IFT57: variants seen among roughly 807,000 people sequenced by gnomAD.
IFT57 encodes the protein intraflagellar transport 57, also known as intraflagellar transport protein 57 homolog.
IFT57 carries 59 observed loss-of-function variants against 56.8 expected under a neutral mutation model. The observed-to-expected ratio is 1.04, with a 90% CI of 0.84 to 1.29. The LOEUF is 1.29. Among genes scored for constraint, IFT57 ranks in the 50% most tolerant of loss-of-function variants. IFT57 has a pLI of 0.00. For synonymous variants in IFT57, 209 were observed against 186.1 expected (o/e 1.12, Z -1.00); for missense variants, 470 against 522.1 (o/e 0.90, Z 0.97).
chr3:108,198,128 G>T (rs1288035919), intron 5 of IFT57, among the ~76,000 whole-genome samples: 1 of 152,122 alleles, frequency 6.6e-6, no homozygotes, highest in Non-Finnish European at 1.5e-5. Flanking sequence ...GCACAGAATA[G>T]TTACATGACT....
At chr3:108,198,494 T>G (rs759887515) in intron 5 of IFT57, among the ~76,000 whole-genome samples, 40 of 152,260 alleles carry the variant, frequency 2.6e-4, no homozygotes, top group Admixed American at 1.0e-3. Context: ...CAGGTTGGAG[T>G]GCAGTGGCAT....
At chr3:108,179,897 T>C (rs1369558492) in intron 6 of IFT57, among the ~76,000 whole-genome samples, 3 of 4,694 alleles carry the variant, frequency 6.4e-4, no homozygotes, top group Non-Finnish European at 1.4e-3. Context: ...GAACTACACA[T>C]ATTACTTTAA....
chr3:108,213,820 TA>T, intron 4 of IFT57, 110 bp downstream of exon 4: 1 of 658,856 alleles, frequency 1.5e-6, no homozygotes, highest in Non-Finnish European at 2.6e-6. Context: ...TTTTCTTCTT[TA>T]GAAACAATGA....
At chr3:108,215,072 T>G (rs1309326563) in intron 3 of IFT57, among the ~76,000 whole-genome samples, 1 of 152,118 alleles carries the variant, frequency 6.6e-6, no homozygotes, top group Non-Finnish European at 1.5e-5. Context: ...TAAGAAGGAG[T>G]CCAGCTTTCT....
intron 5 of IFT57, among the ~76,000 whole-genome samples, chr3:108,202,919 C>T (rs1024951811): frequency 1.3e-5 from 2 of 152,204 alleles, no homozygotes; most frequent in Admixed American, 6.5e-5. Flanking sequence ...TCATGATCCA[C>T]TTAGGCAGAC....
chr3:108,164,089 A>G (rs1007347364), intron 9 of IFT57, among the ~76,000 whole-genome samples: 1 of 152,102 alleles, frequency 6.6e-6, no homozygotes, highest in Admixed American at 6.6e-5. Flanking sequence ...AAAATAGTAT[A>G]AACATCCTGA....
intron 3 of IFT57, 21 bp downstream of exon 3, chr3:108,218,514 A>G: frequency 8.7e-7 from 1 of 1,151,854 alleles, no homozygotes; most frequent in Non-Finnish European, 1.3e-6. Flanking sequence ...AATTACTATC[A>G]TCAGGGTGGG....
At chr3:108,214,655 G>GA (rs959056081) in intron 3 of IFT57, among the ~76,000 whole-genome samples, 1 of 151,778 alleles carries the variant, frequency 6.6e-6, no homozygotes, top group African/African-American at 2.4e-5. Flanking sequence ...TCAACCAAGT[G>GA]AAAAAAAATC....
At chr3:108,205,943 AG>A (rs2080308421) in intron 5 of IFT57, among the ~76,000 whole-genome samples, 1 of 82,502 alleles carries the variant, frequency 1.2e-5, no homozygotes, top group South Asian at 5.5e-4. Context: ...TAAATATATT[AG>A]TTTATAATAT....
chr3:108,166,746 G>C, intron 8 of IFT57, 108 bp downstream of exon 8: 1 of 885,758 alleles, frequency 1.1e-6, no homozygotes, highest in Non-Finnish European at 1.6e-6. Flanking sequence ...TTGATGTTTT[G>C]CTGTTCATGA....
At chr3:108,219,656 T>C in intron 1 of IFT57, 84 bp from the exon 2 acceptor site, 1 of 1,370,710 alleles carries the variant, frequency 7.3e-7, no homozygotes, top group Non-Finnish European at 1.0e-6. Context: ...AATTCACAAT[T>C]GTCCAACAAT....
chr3:108,180,141 ATAT>A (rs1201832138), intron 6 of IFT57, among the ~76,000 whole-genome samples: 2 of 152,076 alleles, frequency 1.3e-5, no homozygotes, highest in Non-Finnish European at 2.9e-5. Flanking sequence ...TAACCTCTAA[ATAT>A]AATACCTTTT....
intron 5 of IFT57, among the ~76,000 whole-genome samples, chr3:108,193,991 C>T (rs1473812092): frequency 1.3e-5 from 2 of 152,096 alleles, no homozygotes; most frequent in Non-Finnish European, 2.9e-5. Context: ...GACCTCAGGG[C>T]ATGTGTGTGG....
chr3:108,192,597 T>C (rs557630344), intron 5 of IFT57, among the ~76,000 whole-genome samples: 6 of 152,222 alleles, frequency 3.9e-5, no homozygotes, highest in African/African-American at 1.4e-4. Flanking sequence ...GTACCAATTC[T>C]TCCCTTTAAC....
intron 4 of IFT57, among the ~76,000 whole-genome samples, chr3:108,212,591 T>C (rs1165951524): frequency 6.7e-6 from 1 of 150,232 alleles, no homozygotes; most frequent in Non-Finnish European, 1.5e-5. Context: ...CTTCTTTTCT[T>C]TATAACTTAC....
intron 6 of IFT57, among the ~76,000 whole-genome samples, chr3:108,173,068 T>A (rs1338490944): frequency 6.6e-6 from 1 of 151,800 alleles, no homozygotes; most frequent in African/African-American, 2.4e-5. Context: ...ACACAAAGAT[T>A]AATGTACAAG....
intron 6 of IFT57, among the ~76,000 whole-genome samples, chr3:108,181,842 T>A (rs1403109142): frequency 2.0e-5 from 3 of 152,068 alleles, no homozygotes; most frequent in Non-Finnish European, 4.4e-5. Context: ...TTACTGGTAA[T>A]TGTAAAAGCT....
At position 108,163,744 on chromosome 3, in the gene IFT57, A is replaced by T; in HGVS notation, c.1045-15T>A. The T allele has an allele frequency of 1.3e-6, 2 of 1,488,330 alleles. No individual in the cohort carries two copies. The highest frequency in any genetic ancestry group is 1.9e-6 in the Non-Finnish European group (2 of 1,067,926). 92.2% of individuals were successfully genotyped at this position (1,488,330 alleles called of 1,614,324 possible). ...TCTTCCATAACCTTTCATGAAAACAAGTTTTCATGAGCATTACATTTTAAT... is the reference window on the plus strand; with the variant it reads ...TCTTCCATAACCTTTCATGAAAACATGTTTTCATGAGCATTACATTTTAAT... On this transcript the variant is annotated splice_polypyrimidine_tract_variant and intron_variant, in intron 9 of 10. Transcript: ENST00000264538.
chr3:108,208,579 T>C (rs2080326604), intron 4 of IFT57, among the ~76,000 whole-genome samples: 2 of 152,158 alleles, frequency 1.3e-5, no homozygotes, highest in African/African-American at 4.8e-5. Context: ...GGGGTGGAAA[T>C]GGAGTGGAAC....
Sources: gnomAD v4.1 joint callset for allele counts (sites outside exome capture counted in the v4.1 genomes callset) on GRCh38, gnomAD v4.1.1 for gene constraint, MANE v1.5 for transcripts, NCBI Gene and HGNC (gene_info 2026-07-23, HGNC 2026-07-21) for gene names.